ZNF438: variants seen among roughly 807,000 people sequenced by gnomAD.
The protein encoded by ZNF438 is zinc finger protein 438.
A neutral mutation model predicts 38.0 loss-of-function variants in ZNF438; 25 were observed. The ratio of observed to expected loss-of-function variants is 0.66; its 90% confidence interval spans 0.48 to 0.92. ZNF438 has a LOEUF of 0.92. Among genes scored for constraint, ZNF438 ranks in the 40% least tolerant of loss-of-function variants. ZNF438 has a pLI of 0.00. For missense variants in ZNF438, 1,007 were observed against 999.6 expected, an observed-to-expected ratio of 1.01 and a Z score of -0.10; for synonymous variants, 372 against 364.1, an observed-to-expected ratio of 1.02 and a Z score of -0.25.
intron 4 of ZNF438, among the ~76,000 whole-genome samples, chr10:30,874,112 GTGTATATATATATATATA>G (rs2037984335): frequency 2.5e-4 from 9 of 36,136 alleles, no homozygotes; most frequent in African/African-American, 3.7e-4. Context: ...GGGTGTGTGT[GTGTATATATATATATATA>G]TATATATATA....
At chr10:31,006,037 C>T (rs2055095106) in intron 1 of ZNF438, among the ~76,000 whole-genome samples, 1 of 152,124 alleles carries the variant, frequency 6.6e-6, no homozygotes, top group Non-Finnish European at 1.5e-5. Flanking sequence ...TCCCTTATTC[C>T]CTGGAATCTC....
intron 1 of ZNF438, among the ~76,000 whole-genome samples, chr10:30,951,728 C>G (rs200280471): frequency 6.6e-6 from 1 of 150,418 alleles, no homozygotes; most frequent in African/African-American, 2.4e-5. Context: ...AACTATAAAC[C>G]ACTGCTCAAT....
chr10:30,921,858 G>A (rs2044335115), intron 2 of ZNF438, among the ~76,000 whole-genome samples: 1 of 152,156 alleles, frequency 6.6e-6, no homozygotes, highest in African/African-American at 2.4e-5. Context: ...TTCTGAGAGT[G>A]TACTGGCAGC....
intron 1 of ZNF438, among the ~76,000 whole-genome samples, chr10:30,947,557 T>G (rs573972916): frequency 7.9e-5 from 12 of 152,374 alleles, no homozygotes; most frequent in African/African-American, 2.9e-4. Flanking sequence ...CTCCGCCCAG[T>G]TGGAGCTTCC....
rs75946961 is a variant in ZNF438 at position 30,911,377 on chromosome 10, C to T, written c.-114-2362G>A. 1.3e-3 allele frequency among the ~76,000 whole-genome samples: 192 copies of T among 152,258 alleles called. 3 individuals carry two copies. In the East Asian group the frequency reaches 0.033, roughly 26 times the overall value. ...CTAAAATAAGTAAAATGTAAGATAA[C>T]ATGTGATGTGTCAGAAGACGCTTTC... On this transcript the variant is annotated intron_variant, in intron 2 of 5. Transcript: ENST00000413025.
intron 1 of ZNF438, among the ~76,000 whole-genome samples, chr10:30,956,859 T>C (rs1329110564): frequency 6.6e-6 from 1 of 152,212 alleles, no homozygotes; most frequent in African/African-American, 2.4e-5. Context: ...GGAGGGCAGG[T>C]ATCTCTTCAA....
chr10:30,992,936 T>C lies in ZNF438; in HGVS notation c.-192+38897A>G, dbSNP rs530714759. Reference sequence around the variant, plus strand: ...TGGACTTGAGAGTGATGAACTAGCATATCGAGTGGAAGAAATTTCTAGCAG... The same window carrying C: ...TGGACTTGAGAGTGATGAACTAGCACATCGAGTGGAAGAAATTTCTAGCAG... On this transcript the variant is annotated intron_variant, in intron 1 of 5. Coordinates refer to ENST00000413025, the Ensembl canonical transcript of ZNF438. Among the ~76,000 whole-genome samples, 177 of 152,288 alleles carry C rather than the reference T, an allele frequency of 1.2e-3. 1 individual carries two copies. Among genetic ancestry groups the C allele is most frequent in the Middle Eastern group, 0.01 (3 of 294 alleles).
chr10:30,878,212 T>A (rs2038723706), intron 3 of ZNF438, among the ~76,000 whole-genome samples: 1 of 152,140 alleles, frequency 6.6e-6, no homozygotes, highest in African/African-American at 2.4e-5. Flanking sequence ...ATAATGTCTT[T>A]TTACCAATCG....
intron 2 of ZNF438, among the ~76,000 whole-genome samples, chr10:30,912,958 C>T (rs1044580205): frequency 4.6e-5 from 7 of 152,042 alleles, no homozygotes; most frequent in Non-Finnish European, 1.0e-4. Flanking sequence ...TCTTTCCTCT[C>T]CCATTTCTAA....
chr10:31,009,682 T>C (rs2055479086), intron 1 of ZNF438, among the ~76,000 whole-genome samples: 2 of 152,146 alleles, frequency 1.3e-5, no homozygotes, highest in South Asian at 4.1e-4. Flanking sequence ...ATGTTTTATC[T>C]TAAAGATTCA....
At chr10:30,853,368 C>G (rs2034040036) in intron 4 of ZNF438, among the ~76,000 whole-genome samples, 1 of 152,214 alleles carries the variant, frequency 6.6e-6, no homozygotes, top group Non-Finnish European at 1.5e-5. Flanking sequence ...AAAATCCCTG[C>G]AATGGCTTAA....
At chr10:30,872,999 T>G (rs1207536774) in intron 4 of ZNF438, among the ~76,000 whole-genome samples, 1 of 152,206 alleles carries the variant, frequency 6.6e-6, no homozygotes. Flanking sequence ...TGCTCACCTG[T>G]ATGAGTTTTC....
At position 30,866,853 on chromosome 10, in the gene ZNF438, C is replaced by T. The variant is rs530200568; in HGVS notation, c.37+10145G>A. On this transcript the variant is annotated intron_variant, in intron 4 of 5. Transcript: ENST00000413025. ...TGTCTCAAAAAAAAAAAACCAAAAA[C>T]GAAAACTGGTGCTTACGTTAATGAA... Among the ~76,000 whole-genome samples, 26 of 151,174 alleles carry T rather than the reference C, an allele frequency of 1.7e-4. No homozygotes were observed. The East Asian group carries it at 3.5e-3, about 20-fold the overall frequency.
intron 1 of ZNF438, among the ~76,000 whole-genome samples, chr10:31,026,401 T>TTTA (rs1323458455): frequency 1.4e-4 from 16 of 117,488 alleles, no homozygotes; most frequent in Middle Eastern, 0.01. Flanking sequence ...CAAGAAAAAA[T>TTTA]CAAACAACCC....
chr10:30,849,866 G>A (rs138921820), exon 5 of ZNF438: 1 of 1,613,958 alleles, frequency 6.2e-7, no homozygotes, highest in Admixed American at 1.7e-5. Context: ...CTCTAGTGAT[G>A]GTACTTCCTC....
At chr10:30,849,500 G>T (rs2033101092) in exon 5 of ZNF438, 1 of 1,614,214 alleles carries the variant, frequency 6.2e-7, no homozygotes, top group South Asian at 1.1e-5. Context: ...AACCTCCATT[G>T]TCTTCATTCT....
intron 1 of ZNF438, among the ~76,000 whole-genome samples, chr10:31,009,134 G>A (rs1309351113): frequency 6.6e-6 from 1 of 152,112 alleles, no homozygotes; most frequent in African/African-American, 2.4e-5. Context: ...AGCTGCAAGA[G>A]TTCTTTATAA....
chr10:30,844,827 T>C, exon 6 of ZNF438: 2 of 1,145,952 alleles, frequency 1.7e-6, no homozygotes, highest in South Asian at 1.6e-5. Flanking sequence ...TAAAACCATG[T>C]ACAAAAATCA....
chr10:30,915,544 T>C (rs2043528788), intron 2 of ZNF438, among the ~76,000 whole-genome samples: 2 of 152,082 alleles, frequency 1.3e-5, no homozygotes, highest in South Asian at 2.1e-4. Flanking sequence ...GCTACAAATG[T>C]AGGACTATAT....
Sources: gnomAD v4.1 joint callset for allele counts (sites outside exome capture counted in the v4.1 genomes callset) on GRCh38, gnomAD v4.1.1 for gene constraint, MANE v1.5 for transcripts, NCBI Gene and HGNC (gene_info 2026-07-23, HGNC 2026-07-21) for gene names.